The following BACH2 variants were observed in gnomAD, a reference collection of about 807,000 sequenced individuals.
BACH2 encodes the protein BACH transcriptional regulator 2, also known as transcription regulator protein BACH2.
In BACH2, 5 loss-of-function variants were observed where a neutral mutation model predicts 61.8. The ratio of observed to expected loss-of-function variants is 0.08; its 90% confidence interval spans 0.04 to 0.17. The LOEUF is 0.17. BACH2 is among the 10% of genes least tolerant of loss of function. The pLI, the probability that BACH2 is intolerant of heterozygous loss-of-function variation, is 1.00. For synonymous variants in BACH2, 446 were observed against 440.1 expected (o/e 1.01, Z -0.17); for missense variants, 824 against 1,091.1 (o/e 0.76, Z 3.45).
At chr6:89,968,827 AT>A (rs1480960823) in intron 6 of BACH2, among the ~76,000 whole-genome samples, 1 of 152,110 alleles carries the variant, frequency 6.6e-6, no homozygotes, top group African/African-American at 2.4e-5. Context: ...CCTGACCAAC[AT>A]GGTGAAATCC....
intron 6 of BACH2, among the ~76,000 whole-genome samples, chr6:89,968,765 C>T (rs1362710334): frequency 1.3e-5 from 2 of 152,204 alleles, no homozygotes; most frequent in Admixed American, 6.5e-5. Context: ...AATCCCAGCA[C>T]TTTGGGAGGC....
At chr6:90,213,493 G>C (rs1769426530) in intron 3 of BACH2, among the ~76,000 whole-genome samples, 1 of 152,018 alleles carries the variant, frequency 6.6e-6, no homozygotes, top group Admixed American at 6.6e-5. Context: ...GTACTGCTAG[G>C]GCTTCACTGC....
chr6:89,991,726 T>C (rs1776584670), intron 6 of BACH2, among the ~76,000 whole-genome samples: 1 of 152,042 alleles, frequency 6.6e-6, no homozygotes, highest in South Asian at 2.1e-4. Flanking sequence ...TTTTTTTTTT[T>C]CAATCTGGGA....
chr6:90,193,200 A>G (rs908643438), intron 4 of BACH2, among the ~76,000 whole-genome samples: 3 of 152,204 alleles, frequency 2.0e-5, no homozygotes, highest in African/African-American at 7.2e-5. Context: ...TCCCCTCAAA[A>G]TTCACATGGT....
At chr6:90,029,274 C>T (rs373851952) in intron 5 of BACH2, among the ~76,000 whole-genome samples, 38 of 152,262 alleles carry the variant, frequency 2.5e-4, no homozygotes, top group East Asian at 9.7e-4. Flanking sequence ...ATTCCAAGAA[C>T]GAGGGGACTT....
chr6:90,206,064 T>C (rs1479760140), intron 4 of BACH2, among the ~76,000 whole-genome samples: 1 of 152,196 alleles, frequency 6.6e-6, no homozygotes, highest in Non-Finnish European at 1.5e-5. Flanking sequence ...GCAGTAAATA[T>C]GTATCAAGTG....
At chr6:90,178,890 G>T (rs1311855427) in intron 4 of BACH2, among the ~76,000 whole-genome samples, 1 of 152,202 alleles carries the variant, frequency 6.6e-6, no homozygotes, top group Non-Finnish European at 1.5e-5. Flanking sequence ...GTTACTATCA[G>T]CAGTGTTAGC....
At position 90,196,232 on chromosome 6, in the gene BACH2, C is replaced by T. The variant is rs185088954; in HGVS notation, c.-162+10337G>A. On this transcript the variant is annotated intron_variant, in intron 4 of 8. Transcript: ENST00000257749. ...AATGTAAAAGAAGGTAGCAATTATT[C>T]TTCAGCCTGCTAATAGCCAAGAACA... 6.6e-5 allele frequency among the ~76,000 whole-genome samples: 10 copies of T among 151,888 alleles called. 1 individual carries two copies. The highest frequency in any genetic ancestry group is 3.3e-4 in the Admixed American group (5 of 15,254).
At chr6:89,973,398 T>G (rs960820386) in intron 6 of BACH2, among the ~76,000 whole-genome samples, 1 of 152,238 alleles carries the variant, frequency 6.6e-6, no homozygotes, top group African/African-American at 2.4e-5. Flanking sequence ...TTGATTTCCA[T>G]GATAATTGTG....
At chr6:90,018,079 T>C (rs146395104) in intron 5 of BACH2, among the ~76,000 whole-genome samples, 3 of 152,332 alleles carry the variant, frequency 2.0e-5, no homozygotes, top group Admixed American at 2.0e-4. Flanking sequence ...GAGTACTCTA[T>C]CTAATGACCC....
At chr6:90,058,818 C>T (rs1178433562) in intron 5 of BACH2, among the ~76,000 whole-genome samples, 5 of 152,068 alleles carry the variant, frequency 3.3e-5, no homozygotes, top group East Asian at 1.9e-4. Context: ...GAAATAATGC[C>T]GCATATCTAC....
intron 1 of BACH2, among the ~76,000 whole-genome samples, chr6:90,295,597 C>A (rs1299474480): frequency 6.6e-6 from 1 of 151,966 alleles, no homozygotes; most frequent in East Asian, 1.9e-4. Flanking sequence ...GGGCAGTGTC[C>A]CCTTCATAAA....
At chr6:90,225,617 G>A (rs923477286) in intron 3 of BACH2, among the ~76,000 whole-genome samples, 2 of 152,098 alleles carry the variant, frequency 1.3e-5, no homozygotes, top group Admixed American at 1.3e-4. Context: ...CCTGTTAGAG[G>A]GGGGTGGGGA....
At chr6:90,012,677 AT>A in intron 5 of BACH2, among the ~76,000 whole-genome samples, 1 of 150,808 alleles carries the variant, frequency 6.6e-6, no homozygotes, top group East Asian at 2.0e-4. Context: ...TTAATTGAAA[AT>A]TTTTTTTGGA....
chr6:90,131,725 T>G (rs1035473756), intron 4 of BACH2, among the ~76,000 whole-genome samples: 3 of 152,222 alleles, frequency 2.0e-5, no homozygotes, highest in African/African-American at 7.2e-5. Context: ...GTAGCGTGAC[T>G]CTGTGGAAAA....
chr6:90,076,986 T>C (rs911492732), intron 5 of BACH2, among the ~76,000 whole-genome samples: 1 of 152,184 alleles, frequency 6.6e-6, no homozygotes, highest in Non-Finnish European at 1.5e-5. Context: ...AAACCAGCAA[T>C]GCGGACATGC....
In BACH2 at chr6:90,052,405, G is replaced by C. The variant is rs143937695; in HGVS notation, c.-13+36556C>G. Among the ~76,000 whole-genome samples, 543 of 151,500 alleles carry C rather than the reference G, an allele frequency of 3.6e-3. 8 individuals are homozygous for C. Among genetic ancestry groups the C allele is most frequent in the African/African-American group, 0.011 (450 of 41,180 alleles). On this transcript the variant is annotated intron_variant, in intron 5 of 8. Transcript: ENST00000257749. ...TATCCTGATTTTTTTTTGCCTTAAA[G>C]TCTTTTATCTATCTATCTATCTATT...
intron 7 of BACH2, among the ~76,000 whole-genome samples, chr6:89,943,357 GC>G (rs1245082649): frequency 7.2e-5 from 11 of 152,046 alleles, no homozygotes; most frequent in African/African-American, 2.7e-4. Flanking sequence ...CCATTCTTCA[GC>G]CTAAACCATC....
chr6:89,933,970 T>C (rs758615163), intron 8 of BACH2, among the ~76,000 whole-genome samples: 3 of 151,140 alleles, frequency 2.0e-5, no homozygotes, highest in Non-Finnish European at 4.4e-5. Flanking sequence ...GGTGATACAG[T>C]GAGACCCTGT....
Sources: gnomAD v4.1 joint callset for allele counts (sites outside exome capture counted in the v4.1 genomes callset) on GRCh38, gnomAD v4.1.1 for gene constraint, MANE v1.5 for transcripts, NCBI Gene and HGNC (gene_info 2026-07-23, HGNC 2026-07-21) for gene names.